The following TMEM163 variants were observed in gnomAD, a reference collection of about 807,000 sequenced individuals.
TMEM163 encodes transmembrane protein 163.
TMEM163 carries 17 observed loss-of-function variants against 29.3 expected under a neutral mutation model. The observed-to-expected ratio is 0.58, with a 90% CI of 0.40 to 0.87. TMEM163 has a LOEUF of 0.87. Among genes scored for constraint, TMEM163 ranks in the 40% least tolerant of loss-of-function variants. TMEM163 has a pLI of 0.00. For synonymous variants in TMEM163, 157 were observed against 160.6 expected, an observed-to-expected ratio of 0.98 and a Z score of 0.17; for missense variants, 303 against 381.5, an observed-to-expected ratio of 0.79 and a Z score of 1.71.
At chr2:134,605,194 A>AC in intron 2 of TMEM163, among the ~76,000 whole-genome samples, 1 of 152,022 alleles carries the variant, frequency 6.6e-6, no homozygotes, top group Admixed American at 6.6e-5. Context: ...AAAAAAAAAA[A>AC]AACCACAATC....
At chr2:134,541,121 T>C (rs1298780167) in intron 4 of TMEM163, among the ~76,000 whole-genome samples, 7 of 152,230 alleles carry the variant, frequency 4.6e-5, no homozygotes. Context: ...ATTACTAAGT[T>C]GTGCTTCCTT....
intron 2 of TMEM163, among the ~76,000 whole-genome samples, chr2:134,683,867 AAC>A: frequency 6.6e-6 from 1 of 152,230 alleles, no homozygotes; most frequent in South Asian, 2.1e-4. Context: ...CATTGGGGGA[AAC>A]ACAGAACAAA....
chr2:134,700,760 G>C (rs1048361939), intron 2 of TMEM163, among the ~76,000 whole-genome samples: 1 of 151,948 alleles, frequency 6.6e-6, no homozygotes, highest in Non-Finnish European at 1.5e-5. Context: ...TCAGCTGGGC[G>C]TGGTGTCAGG....
intron 2 of TMEM163, among the ~76,000 whole-genome samples, chr2:134,696,408 A>G (rs1684583051): frequency 6.6e-6 from 1 of 152,140 alleles, no homozygotes; most frequent in Non-Finnish European, 1.5e-5. Flanking sequence ...CTCCATCAAC[A>G]TTTCAGAGCT....
chr2:134,699,437 G>A (rs1280921093), intron 2 of TMEM163, among the ~76,000 whole-genome samples: 1 of 152,024 alleles, frequency 6.6e-6, no homozygotes, highest in Non-Finnish European at 1.5e-5. Flanking sequence ...CCAAGAGGCA[G>A]AGGTTGCAGT....
At chr2:134,684,963 C>T (rs913579178) in intron 2 of TMEM163, among the ~76,000 whole-genome samples, 1 of 151,662 alleles carries the variant, frequency 6.6e-6, no homozygotes, top group Non-Finnish European at 1.5e-5. Context: ...TGAATTAGCT[C>T]CCAAGAGAAT....
chr2:134,650,918 C>T (rs1386884237), intron 2 of TMEM163, among the ~76,000 whole-genome samples: 1 of 127,110 alleles, frequency 7.9e-6, no homozygotes, highest in African/African-American at 3.7e-5. Context: ...GTATATGTGC[C>T]ACATTTTCTT....
chr2:134,652,101 T>C (rs1186866470), intron 2 of TMEM163, among the ~76,000 whole-genome samples: 1 of 140,500 alleles, frequency 7.1e-6, no homozygotes, highest in Admixed American at 7.0e-5. Flanking sequence ...GGTAGCTTTA[T>C]GGGAATGGCA....
At chr2:134,474,038 C>G (rs1686863771) in intron 5 of TMEM163, among the ~76,000 whole-genome samples, 1 of 152,164 alleles carries the variant, frequency 6.6e-6, no homozygotes, top group South Asian at 2.1e-4. Context: ...ATTACCATGA[C>G]ACTAAAAGCA....
At chr2:134,660,986 G>A (rs1271067471) in intron 2 of TMEM163, among the ~76,000 whole-genome samples, 4 of 152,326 alleles carry the variant, frequency 2.6e-5, no homozygotes, top group East Asian at 3.9e-4. Context: ...TTTATGAGGC[G>A]TTTCGGTCAT....
chr2:134,662,549 C>G (rs1683778680), intron 2 of TMEM163, among the ~76,000 whole-genome samples: 1 of 152,098 alleles, frequency 6.6e-6, no homozygotes, highest in African/African-American at 2.4e-5. Flanking sequence ...AAAAAAAAGA[C>G]TAGCTGTAAA....
chr2:134,511,037 A>G (rs1262032122), intron 4 of TMEM163, among the ~76,000 whole-genome samples: 2 of 152,020 alleles, frequency 1.3e-5, no homozygotes, highest in African/African-American at 2.4e-5. Context: ...AGGATTTGGC[A>G]TGAACAGGAC....
intron 2 of TMEM163, among the ~76,000 whole-genome samples, chr2:134,568,723 GAAAC>G (rs759109520): frequency 2.0e-4 from 31 of 151,646 alleles, no homozygotes; most frequent in African/African-American, 7.0e-4. Context: ...AACAAACAAA[GAAAC>G]AAAGAAAGAA....
At chr2:134,558,545 C>T (rs1423672728) in intron 2 of TMEM163, among the ~76,000 whole-genome samples, 1 of 152,164 alleles carries the variant, frequency 6.6e-6, no homozygotes, top group Non-Finnish European at 1.5e-5. Context: ...ACCCAGGCAA[C>T]CCATTGTTAG....
At chr2:134,474,161 T>G (rs1399994396) in intron 5 of TMEM163, among the ~76,000 whole-genome samples, 7 of 152,176 alleles carry the variant, frequency 4.6e-5, no homozygotes, top group Admixed American at 3.9e-4. Context: ...TAATACAACA[T>G]GACCAAACGG....
intron 4 of TMEM163, 144 bp from the exon 5 acceptor site, chr2:134,503,141 A>G (rs1679737489): frequency 2.8e-6 from 2 of 703,306 alleles, no homozygotes; most frequent in Non-Finnish European, 4.8e-6. Context: ...CCCACAGTCC[A>G]TGGATTGACA....
intron 2 of TMEM163, among the ~76,000 whole-genome samples, chr2:134,657,923 A>T (rs181821284): frequency 6.6e-6 from 1 of 152,324 alleles, no homozygotes; most frequent in Non-Finnish European, 1.5e-5. Context: ...TACCTGGGTG[A>T]TGGGATCACT....
intron 4 of TMEM163, among the ~76,000 whole-genome samples, chr2:134,549,767 C>T (rs76103405): frequency 0.012 from 1,854 of 152,262 alleles, 36 homozygotes; most frequent in African/African-American, 0.042. Flanking sequence ...CACACATACA[C>T]GTATACATGC....
intron 2 of TMEM163, among the ~76,000 whole-genome samples, chr2:134,662,738 A>G (rs1350218274): frequency 3.9e-5 from 6 of 152,204 alleles, no homozygotes; most frequent in African/African-American, 1.2e-4. Flanking sequence ...GACTTATCAG[A>G]TCATGGGTTT....
Sources: allele counts gnomAD v4.1 joint callset (sites outside exome capture counted in the v4.1 genomes callset), GRCh38; gene constraint gnomAD v4.1.1; transcripts MANE v1.5; gene names NCBI Gene and HGNC (gene_info 2026-07-23, HGNC 2026-07-21).